DIAPH2: variants seen among roughly 807,000 people sequenced by gnomAD.
DIAPH2 encodes the protein protein diaphanous homolog 2.
Under a neutral mutation model 92.7 loss-of-function variants are expected in DIAPH2, and 35 were observed. The ratio of observed to expected loss-of-function variants is 0.38; its 90% CI spans 0.29 to 0.50. DIAPH2 has a LOEUF of 0.50. Among genes scored for constraint, DIAPH2 ranks in the 20% least tolerant of loss-of-function variants. The probability of loss-of-function intolerance (pLI) is 0.94; values close to 1 mark genes in which losing one functional copy is unlikely to be tolerated. For missense variants in DIAPH2, 701 were observed against 819.5 expected, an observed-to-expected ratio of 0.86 and a Z score of 1.77; for synonymous variants, 301 against 280.4, an observed-to-expected ratio of 1.07 and a Z score of -0.73.
At chrX:96,808,280 A>C (rs2064645688) in intron 4 of DIAPH2, among the ~76,000 whole-genome samples, 1 of 110,781 alleles carries the variant, frequency 9.0e-6, no homozygotes, top group Non-Finnish European at 1.9e-5. Context: ...AATGTGGAAT[A>C]AATAAAGGAT....
intron 17 of DIAPH2, among the ~76,000 whole-genome samples, chrX:97,060,159 C>T (rs1400895343): frequency 8.9e-6 from 1 of 112,601 alleles, no homozygotes; most frequent in Non-Finnish European, 1.9e-5. Flanking sequence ...AGCAGAGGCA[C>T]ACTTTGGTGG....
At chrX:97,558,612 T>C (rs2071272854) in intron 26 of DIAPH2, among the ~76,000 whole-genome samples, 1 of 111,667 alleles carries the variant, frequency 9.0e-6, no homozygotes, top group Non-Finnish European at 1.9e-5. Context: ...AATTGGGTTT[T>C]AGAAAGAGAC....
chrX:97,035,139 A>G (rs759588371), intron 17 of DIAPH2, among the ~76,000 whole-genome samples: 2 of 111,821 alleles, frequency 1.8e-5, no homozygotes, highest in South Asian at 7.5e-4. Flanking sequence ...CAAATGAACT[A>G]TAGCAGATTT....
intron 26 of DIAPH2, among the ~76,000 whole-genome samples, chrX:97,491,397 A>G (rs991510570): frequency 9.0e-6 from 1 of 111,123 alleles, no homozygotes; most frequent in Non-Finnish European, 1.9e-5. Flanking sequence ...AGTTTAATCC[A>G]TTTGCATTTA....
At chrX:96,888,968 T>C (rs988381829) in intron 5 of DIAPH2, among the ~76,000 whole-genome samples, 4 of 111,232 alleles carry the variant, frequency 3.6e-5, no homozygotes, top group Admixed American at 1.9e-4. Flanking sequence ...TCTTTCACTG[T>C]TGTTAGTATT....
At chrX:97,320,789 T>G (rs2068887592) in intron 23 of DIAPH2, among the ~76,000 whole-genome samples, 1 of 111,209 alleles carries the variant, frequency 9.0e-6, no homozygotes, top group African/African-American at 3.3e-5. Flanking sequence ...CTGGATAACT[T>G]CTTACATTAA....
At chrX:96,809,343 A>T (rs1356117229) in intron 4 of DIAPH2, among the ~76,000 whole-genome samples, 2 of 78,887 alleles carry the variant, frequency 2.5e-5, no homozygotes, top group African/African-American at 9.0e-5. Context: ...AATGTGGTTA[A>T]AAAAAAAAAA....
chrX:97,479,382 A>G (rs147868456), intron 26 of DIAPH2, among the ~76,000 whole-genome samples: 5,048 of 111,878 alleles, frequency 0.045, 269 homozygotes, highest in African/African-American at 0.16. Flanking sequence ...TGCTTTCTGG[A>G]AGGCTACAGA....
At chrX:97,189,436 CCCCTCCCTCCCTCCCA>C (rs1468518841) in intron 22 of DIAPH2, among the ~76,000 whole-genome samples, 1 of 91,004 alleles carries the variant, frequency 1.1e-5, no homozygotes, top group African/African-American at 4.1e-5. Context: ...GTCGTCCCCC[CCCCTCCCTCCCTCCCA>C]CCCTCCCTCT....
chrX:97,408,558 T>C (rs755720601), intron 25 of DIAPH2, among the ~76,000 whole-genome samples: 3 of 111,587 alleles, frequency 2.7e-5, no homozygotes, highest in Non-Finnish European at 5.7e-5. Context: ...TTTTAATTAT[T>C]AGAACAGAAT....
chrX:96,716,376 T>C (rs916013990), intron 1 of DIAPH2, among the ~76,000 whole-genome samples: 2 of 111,871 alleles, frequency 1.8e-5, no homozygotes, highest in African/African-American at 6.5e-5. Context: ...TACATTCTAG[T>C]GTATTAAAGA....
chrX:96,796,696 G>A (rs886874473), intron 4 of DIAPH2, among the ~76,000 whole-genome samples: 7 of 111,241 alleles, frequency 6.3e-5, no homozygotes, highest in African/African-American at 2.3e-4. Context: ...TTTTCTATAA[G>A]CACCTTGCAA....
At chrX:97,221,747 T>G (rs2067927158) in intron 22 of DIAPH2, among the ~76,000 whole-genome samples, 1 of 112,099 alleles carries the variant, frequency 8.9e-6, no homozygotes. Context: ...TTAATTCATG[T>G]TAGTCACTGG....
intron 26 of DIAPH2, among the ~76,000 whole-genome samples, chrX:97,452,197 A>G (rs1311346868): frequency 1.8e-5 from 2 of 111,721 alleles, no homozygotes; most frequent in African/African-American, 6.5e-5. Flanking sequence ...TGTCTAAGAA[A>G]TACAACTTGT....
intron 22 of DIAPH2, among the ~76,000 whole-genome samples, chrX:97,234,803 T>C (rs1267422025): frequency 8.9e-6 from 1 of 112,198 alleles, no homozygotes; most frequent in Non-Finnish European, 1.9e-5. Flanking sequence ...CAGCTAGATA[T>C]GGCCTGCAGA....
chrX:96,755,210 T>C (rs1235886525), intron 3 of DIAPH2, among the ~76,000 whole-genome samples: 1 of 111,585 alleles, frequency 9.0e-6, no homozygotes, highest in East Asian at 2.8e-4. Context: ...ACAAAATTTA[T>C]AGGTATTGAC....
intron 22 of DIAPH2, among the ~76,000 whole-genome samples, chrX:97,148,850 G>A (rs1011020381): frequency 3.6e-5 from 4 of 111,069 alleles, no homozygotes; most frequent in Admixed American, 1.9e-4. Flanking sequence ...GGAGGACACC[G>A]GTATTTAACA....
At chrX:97,425,532 T>C (rs2070053231) in intron 25 of DIAPH2, among the ~76,000 whole-genome samples, 1 of 110,709 alleles carries the variant, frequency 9.0e-6, no homozygotes, top group African/African-American at 3.3e-5. Context: ...CCTAGCACCT[T>C]GGGAGGCTGA....
chrX:97,103,770 C>A (rs1033035305), intron 20 of DIAPH2, among the ~76,000 whole-genome samples: 3 of 112,095 alleles, frequency 2.7e-5, no homozygotes, highest in Non-Finnish European at 5.6e-5. Flanking sequence ...AAAGCTACAG[C>A]ATTAACTTCT....
Sources: gnomAD v4.1 joint callset for allele counts (sites outside exome capture counted in the v4.1 genomes callset) on GRCh38, gnomAD v4.1.1 for gene constraint, MANE v1.5 for transcripts, NCBI Gene and HGNC (gene_info 2026-07-23, HGNC 2026-07-21) for gene names.